GIPC2: variants seen among roughly 807,000 people sequenced by gnomAD.
GIPC2 encodes the protein PDZ domain-containing protein GIPC2.
GIPC2 carries 30 observed loss-of-function variants against 30.6 expected under a neutral mutation model. That is an observed-to-expected ratio of 0.98 (90% CI 0.73 to 1.33). The LOEUF (loss-of-function observed/expected upper bound fraction) is 1.33. Ranked by LOEUF, GIPC2 falls within the 40% of genes most tolerant of loss-of-function variation. The pLI, the probability that GIPC2 is intolerant of heterozygous loss-of-function variation, is 0.00. For missense variants in GIPC2, 414 were observed against 390.3 expected, an observed-to-expected ratio of 1.06 and a Z score of -0.51; for synonymous variants, 167 against 150.0, an observed-to-expected ratio of 1.11 and a Z score of -0.83.
chr1:78,051,255 A>G (rs1661193015), intron 1 of GIPC2, among the ~76,000 whole-genome samples: 1 of 152,174 alleles, frequency 6.6e-6, no homozygotes. Flanking sequence ...AAGAAATATT[A>G]TTAACAAAAA....
chr1:78,059,902 A>G (rs1008905839), intron 1 of GIPC2, among the ~76,000 whole-genome samples: 13 of 152,264 alleles, frequency 8.5e-5, no homozygotes, highest in Non-Finnish European at 1.8e-4. Flanking sequence ...AGATTAAAAA[A>G]TGAAGATGTA....
chr1:78,095,021 A>C lies in GIPC2; in HGVS notation c.496A>C (p.Asn166His). 5.0e-6 allele frequency: 8 copies of C among 1,604,002 alleles called. No homozygotes were observed. Among genetic ancestry groups the C allele is most frequent in the Non-Finnish European group, 6.8e-6 (8 of 1,170,802 alleles). ...TGTTGGGGATCATATTGAATCCATA[A>C]ATGGAGAAAATATTGTTGGGTGGCG... ...ICVGDHIESI[N>H]GENIVGWRHY... Residue 166 changes from asparagine to histidine, a missense_variant, in exon 3 of 6, where the codon AAT becomes CAT. By Grantham distance (68) the Asn-to-His change is moderately conservative. Transcript: ENST00000370759.
intron 1 of GIPC2, among the ~76,000 whole-genome samples, chr1:78,056,483 A>G (rs899932641): frequency 1.3e-5 from 2 of 152,192 alleles, no homozygotes; most frequent in East Asian, 3.8e-4. Flanking sequence ...CAAAAAAACA[A>G]AAGAAAAAAT....
At chr1:78,116,349 G>A (rs1294766187) in intron 3 of GIPC2, among the ~76,000 whole-genome samples, 1 of 152,040 alleles carries the variant, frequency 6.6e-6, no homozygotes, top group Non-Finnish European at 1.5e-5. Context: ...ATATCACCTA[G>A]GTTCTTTTTT....
intron 1 of GIPC2, among the ~76,000 whole-genome samples, chr1:78,046,828 T>TG (rs66737197): frequency 2.0e-5 from 3 of 152,124 alleles, no homozygotes; most frequent in Admixed American, 6.5e-5. Context: ...CCAGATTAAG[T>TG]GGGGGGGAAA....
chr1:78,104,010 G>A (rs1375411523), intron 3 of GIPC2, among the ~76,000 whole-genome samples: 1 of 152,172 alleles, frequency 6.6e-6, no homozygotes, highest in Non-Finnish European at 1.5e-5. Flanking sequence ...TGTGGGGGTG[G>A]CCTGTGAGTG....
At chr1:78,078,832 T>A (rs1287767700) in intron 1 of GIPC2, among the ~76,000 whole-genome samples, 1 of 136,620 alleles carries the variant, frequency 7.3e-6, no homozygotes, top group Non-Finnish European at 1.5e-5. Flanking sequence ...ATGGACAGAT[T>A]CACCGGAAAA....
intron 1 of GIPC2, among the ~76,000 whole-genome samples, chr1:78,071,693 G>A (rs1292720409): frequency 6.6e-6 from 1 of 151,726 alleles, no homozygotes; most frequent in African/African-American, 2.4e-5. Context: ...TACCTTGGCT[G>A]GGACTATAGG....
At position 78,137,398 on chromosome 1, in the gene GIPC2, A is replaced by T. The variant is rs1663025731; in HGVS notation, c.*1655A>T. 1 of 152,220 alleles carries T rather than the reference A, an allele frequency of 6.6e-6. No individual in the cohort carries two copies. The highest frequency in any genetic ancestry group is 2.4e-5 in the African/African-American group (1 of 41,462). The allele number at this position is 152,220 out of a possible 1,614,324, so 9.4% of individuals were successfully genotyped here. A position where few individuals can be genotyped will look rare whatever the true frequency, so the allele number is the denominator to read the frequency against. On this transcript the variant is annotated 3_prime_UTR_variant, in exon 6 of 6. Coordinates refer to ENST00000370759, the MANE Select transcript of GIPC2 (RefSeq NM_017655.6). ...CCATAGAAACATTCTCGTTTAAACA[A>T]CAACAACAAAATAAATTTATCAGCA...
At chr1:78,131,402 G>T (rs562875197) in intron 5 of GIPC2, among the ~76,000 whole-genome samples, 1 of 152,084 alleles carries the variant, frequency 6.6e-6, no homozygotes, top group African/African-American at 2.4e-5. Context: ...TAGAGATGGG[G>T]TTTCACCGTG....
In GIPC2 at chr1:78,119,549, A is replaced by G. The variant is rs751889150; in HGVS notation, c.714+50A>G. The G allele has an allele frequency of 3.4e-5, 38 of 1,126,594 alleles. 1 individual carries two copies. In the South Asian group the frequency reaches 4.9e-4, roughly 15 times the overall value. The allele number at this position is 1,126,594 out of a possible 1,614,324, so 69.8% of individuals were successfully genotyped here. A position where few individuals can be genotyped will look rare whatever the true frequency, so the allele number is the denominator to read the frequency against. ...GTTCTGCTTGGAAATGTTGAGTTAGATAAAATTCCATTCATTCTAACCAAA... is the reference window on the plus strand; with the variant it reads ...GTTCTGCTTGGAAATGTTGAGTTAGGTAAAATTCCATTCATTCTAACCAAA... On this transcript the variant is annotated intron_variant, in intron 4 of 5. Transcript: ENST00000370759.
intron 3 of GIPC2, among the ~76,000 whole-genome samples, chr1:78,097,239 A>G (rs1662154483): frequency 6.6e-6 from 1 of 152,010 alleles, no homozygotes; most frequent in Non-Finnish European, 1.5e-5. Flanking sequence ...TTATTGACTC[A>G]GGGCCAAGAA....
intron 1 of GIPC2, among the ~76,000 whole-genome samples, chr1:78,069,969 A>G (rs895823480): frequency 1.3e-5 from 2 of 152,112 alleles, no homozygotes; most frequent in African/African-American, 4.8e-5. Flanking sequence ...TGACACCTGA[A>G]TGGCTCACCA....
At chr1:78,129,688 T>TC (rs1662854376) in intron 5 of GIPC2, among the ~76,000 whole-genome samples, 1 of 152,172 alleles carries the variant, frequency 6.6e-6, no homozygotes, top group Non-Finnish European at 1.5e-5. Flanking sequence ...ATGTTATCCA[T>TC]GAAAAAAATT....
intron 5 of GIPC2, among the ~76,000 whole-genome samples, chr1:78,133,046 A>G (rs1355396127): frequency 6.6e-6 from 1 of 152,204 alleles, no homozygotes; most frequent in East Asian, 1.9e-4. Context: ...CATCCTGGCT[A>G]TGAGACCAGA....
Position 78,098,442 on chromosome 1 carries a change from T to TTATC in GIPC2, c.607+3312_607+3315dup, listed in dbSNP as rs565034784. ...ACTATACTTCTAGGAAGATTTTTAA[T>TTATC]TATCTGTAAATTATTTTTAATTTAT... On this transcript the variant is annotated intron_variant, in intron 3 of 5. Coordinates refer to ENST00000370759, the MANE Select transcript of GIPC2 (RefSeq NM_017655.6). 2.0e-3 allele frequency among the ~76,000 whole-genome samples: 311 copies of TTATC among 152,348 alleles called. 4 individuals carry two copies. Among genetic ancestry groups the TTATC allele is most frequent in the African/African-American group, 6.7e-3 (279 of 41,582 alleles).
rs540210721 is a variant in GIPC2 at position 78,094,961 on chromosome 1, G to C, written c.436G>C (p.Asp146His). The C allele has an allele frequency of 3.2e-6, 5 of 1,583,044 alleles. No homozygotes were observed. Among genetic ancestry groups the C allele is most frequent in the Non-Finnish European group, 4.3e-6 (5 of 1,152,494 alleles). ...ATCAATTTCCTTTCAGAGAATTAAA[G>C]ATGGTGGTGTTATTGACTCAGTTAA... ...VGYAFIKRIK[D>H]GGVIDSVKTI... Residue 146 changes from aspartate to histidine, a missense_variant, in exon 3 of 6, where the codon GAT (aspartate) becomes CAT (histidine). Coordinates refer to ENST00000370759, the MANE Select transcript of GIPC2 (RefSeq NM_017655.6).
chr1:78,069,665 G>A (rs1661581988), intron 1 of GIPC2, among the ~76,000 whole-genome samples: 1 of 151,856 alleles, frequency 6.6e-6, no homozygotes, highest in African/African-American at 2.4e-5. Flanking sequence ...GTAGACACGG[G>A]CTTTCACCAC....
intron 3 of GIPC2, among the ~76,000 whole-genome samples, chr1:78,103,854 C>T (rs960417484): frequency 6.6e-6 from 1 of 152,178 alleles, no homozygotes; most frequent in African/African-American, 2.4e-5. Context: ...TGATTTATGG[C>T]AGGTCCCACC....
Sources: allele counts gnomAD v4.1 joint callset (sites outside exome capture counted in the v4.1 genomes callset), GRCh38; gene constraint gnomAD v4.1.1; transcripts MANE v1.5; gene names NCBI Gene and HGNC (gene_info 2026-07-23, HGNC 2026-07-21).